The following TMEM67 variants were observed in gnomAD, a reference collection of about 807,000 sequenced individuals.
TMEM67 encodes the protein transmembrane protein 67, also known as meckelin.
Under a neutral mutation model 136.6 loss-of-function variants are expected in TMEM67, and 124 were observed. The observed-to-expected ratio is 0.91, with a 90% CI of 0.78 to 1.05. The LOEUF is 1.05. TMEM67 is among the 50% of genes least tolerant of loss of function. The probability of loss-of-function intolerance (pLI) is 0.00; values close to 1 mark genes in which losing one functional copy is unlikely to be tolerated. For synonymous variants in TMEM67, 364 were observed against 390.5 expected (o/e 0.93, Z 0.80); for missense variants, 1,107 against 1,178.4 (o/e 0.94, Z 0.89).
intron 7 of TMEM67, among the ~76,000 whole-genome samples, chr8:93,776,311 ACTT>A (rs1355345509): frequency 6.6e-6 from 1 of 152,104 alleles, no homozygotes; most frequent in Non-Finnish European, 1.5e-5. Context: ...GGACAATTTC[ACTT>A]CTTCTTTTCC....
chr8:93,785,116 T>C, intron 11 of TMEM67, 106 bp from the exon 12 acceptor site: 2 of 791,934 alleles, frequency 2.5e-6, no homozygotes, highest in South Asian at 3.1e-5. Flanking sequence ...CTGAAGATAA[T>C]AAATATGCTT....
At chr8:93,793,091 A>G in intron 15 of TMEM67, 107 bp from the exon 16 acceptor site, 3 of 1,035,404 alleles carry the variant, frequency 2.9e-6, no homozygotes, top group Non-Finnish European at 4.5e-6. Context: ...TCCTTTCAAC[A>G]TTTCCCACCC....
intron 6 of TMEM67, 97 bp from the exon 7 acceptor site, chr8:93,772,492 C>A: frequency 1.1e-6 from 1 of 897,288 alleles, no homozygotes; most frequent in Non-Finnish European, 1.8e-6. Flanking sequence ...TGTTTTTCTA[C>A]TAACATTGTG....
At chr8:93,794,139 CT>C (rs1483885933) in intron 16 of TMEM67, among the ~76,000 whole-genome samples, 2 of 152,152 alleles carry the variant, frequency 1.3e-5, no homozygotes, top group African/African-American at 4.8e-5. Flanking sequence ...ATCCGCCCAC[CT>C]CAGCCTCCCA....
Position 93,765,423 on chromosome 8 carries a change from C to T in TMEM67, c.524C>T (p.Pro175Leu). The T allele has an allele frequency of 6.2e-7, 1 of 1,611,610 alleles. No individual in the cohort carries two copies. Among genetic ancestry groups the T allele is most frequent in the Non-Finnish European group, 8.5e-7 (1 of 1,179,636 alleles). The stretch of plus-strand genomic sequence containing the variant: ...TTGAACAGGTGCGTCCGATGTGAGC[C>T]AACATTTGTTAATACCAGCAGGTCC... ...ALGDRCVRCE[P>L]TFVNTSRSCA... Residue 175 changes from proline to leucine, a missense_variant, in exon 5 of 28, where the codon CCA becomes CTA. By Grantham distance (98) the Pro-to-Leu change is moderately conservative (BLOSUM62 -3). Coordinates refer to ENST00000453321, the MANE Select transcript of TMEM67 (RefSeq NM_153704.6).
intron 18 of TMEM67, 125 bp downstream of exon 18, chr8:93,796,112 A>G: frequency 1.4e-6 from 1 of 720,996 alleles, no homozygotes; most frequent in Non-Finnish European, 2.5e-6. Context: ...AGAAAGCATT[A>G]ATTATTTTAT....
intron 4 of TMEM67, among the ~76,000 whole-genome samples, chr8:93,764,268 T>G (rs1812981592): frequency 6.6e-6 from 1 of 152,188 alleles, no homozygotes; most frequent in African/African-American, 2.4e-5. Flanking sequence ...ATACAGTTCT[T>G]AGTATAGTGC....
chr8:93,793,393 T>C, intron 16 of TMEM67, 97 bp downstream of exon 16: 4 of 1,073,374 alleles, frequency 3.7e-6, no homozygotes, highest in Middle Eastern at 2.1e-4. Flanking sequence ...AAAAGTTGCA[T>C]TGAATTTTTC....
At chr8:93,828,798 T>TA in the TMEM67 span, among the ~76,000 whole-genome samples, 68 of 152,152 alleles carry the variant, frequency 4.5e-4, no homozygotes, top group Middle Eastern at 6.8e-3. Flanking sequence ...TTTTAAGAGT[T>TA]ATACCTATAT....
chr8:93,775,529 A>G (rs933897446), intron 7 of TMEM67, among the ~76,000 whole-genome samples: 22 of 152,168 alleles, frequency 1.4e-4, no homozygotes, highest in Non-Finnish European at 1.9e-4. Context: ...TAATTTTTGT[A>G]TAAGGTGTAA....
intron 6 of TMEM67, among the ~76,000 whole-genome samples, chr8:93,771,208 G>C (rs966879577): frequency 2.7e-5 from 4 of 149,912 alleles, no homozygotes; most frequent in Non-Finnish European, 5.9e-5. Context: ...AGATTTATTA[G>C]CTAGCAATTT....
At chr8:93,771,890 C>A (rs1270210612) in intron 6 of TMEM67, among the ~76,000 whole-genome samples, 1 of 152,204 alleles carries the variant, frequency 6.6e-6, no homozygotes, top group Non-Finnish European at 1.5e-5. Flanking sequence ...TCTCTGATCA[C>A]TGTGGTGCCA....
chr8:93,809,956 T>G (rs1174972216), intron 26 of TMEM67, 69 bp downstream of exon 26: 6 of 1,033,850 alleles, frequency 5.8e-6, no homozygotes, highest in Non-Finnish European at 5.8e-6. Context: ...TGCTTGTAGA[T>G]ATTTTTCTTT....
rs769433418 is a variant in TMEM67, at chr8:93,780,586, G to A, written c.715-7G>A. 6.2e-7 allele frequency: 1 copy of A among 1,613,992 alleles called. No individual in the cohort carries two copies. The highest frequency in any genetic ancestry group is 8.5e-7 in the Non-Finnish European group (1 of 1,179,992). On this transcript the variant is annotated splice_region_variant and splice_polypyrimidine_tract_variant and intron_variant, in intron 7 of 27. Transcript: ENST00000453321. ...TGTTACTTTTCTTTGCCATTGTTCTGTTGTAGGTATATGCCAATCTAACAT... is the reference window on the plus strand; with the variant it reads ...TGTTACTTTTCTTTGCCATTGTTCTATTGTAGGTATATGCCAATCTAACAT...
intron 13 of TMEM67, among the ~76,000 whole-genome samples, chr8:93,787,554 T>C (rs1244525938): frequency 5.9e-5 from 9 of 152,230 alleles, no homozygotes; most frequent in Non-Finnish European, 1.2e-4. Flanking sequence ...TTTGTAAACT[T>C]CACAGGACTT....
At chr8:93,830,684 GTTATT>G in the TMEM67 span, among the ~76,000 whole-genome samples, 3 of 152,224 alleles carry the variant, frequency 2.0e-5, no homozygotes, top group Non-Finnish European at 4.4e-5. Flanking sequence ...CACACTGAGT[GTTATT>G]TTATCCACAC....
chr8:93,819,076 T>C (rs1203493443), downstream of TMEM67: 1 of 453,118 alleles, frequency 2.2e-6, no homozygotes, highest in Admixed American at 2.4e-5. Context: ...GTGCTGGGAT[T>C]ACAGGTGTCA....
intron 7 of TMEM67, 93 bp from the exon 8 acceptor site, chr8:93,780,500 G>T: frequency 6.9e-7 from 1 of 1,445,408 alleles, no homozygotes; most frequent in Non-Finnish European, 9.7e-7. Flanking sequence ...CGGCCATCTT[G>T]GAACAGACCT....
intron 6 of TMEM67, among the ~76,000 whole-genome samples, chr8:93,766,015 A>T (rs1813066991): frequency 6.6e-6 from 1 of 152,018 alleles, no homozygotes; most frequent in Admixed American, 6.6e-5. Context: ...ACTTCATTTT[A>T]TTGTCTGTAA....
Sources: gnomAD v4.1 joint callset for allele counts (sites outside exome capture counted in the v4.1 genomes callset) on GRCh38, gnomAD v4.1.1 for gene constraint, MANE v1.5 for transcripts, NCBI Gene and HGNC (gene_info 2026-07-23, HGNC 2026-07-21) for gene names.